Variants in FNDC3B observed in about 807,000 individuals in gnomAD.
FNDC3B encodes fibronectin type III domain containing 3B.
A neutral mutation model predicts 151.5 loss-of-function variants in FNDC3B; 12 were observed. The observed-to-expected ratio is 0.08, with a 90% confidence interval of 0.05 to 0.13. The LOEUF (loss-of-function observed/expected upper bound fraction) is 0.13, where lower values mean the gene tolerates loss of function less well. Among genes scored for constraint, FNDC3B ranks in the 10% least tolerant of loss-of-function variants. The pLI, the probability that FNDC3B is intolerant of heterozygous loss-of-function variation, is 1.00. For missense variants in FNDC3B, 1,214 were observed against 1,505.3 expected (o/e 0.81, Z 3.20); for synonymous variants, 528 against 549.0 (o/e 0.96, Z 0.54).
intron 3 of FNDC3B, among the ~76,000 whole-genome samples, chr3:172,187,652 T>G (rs1376550075): frequency 6.6e-6 from 1 of 152,236 alleles, no homozygotes; most frequent in Non-Finnish European, 1.5e-5. Context: ...TTCTTTGTAT[T>G]GTTTTTTCCC....
At chr3:172,087,204 C>T (rs1718590650) in intron 1 of FNDC3B, among the ~76,000 whole-genome samples, 1 of 152,168 alleles carries the variant, frequency 6.6e-6, no homozygotes, top group African/African-American at 2.4e-5. Context: ...TAATGTACTT[C>T]TAGTTAAGGC....
intron 10 of FNDC3B, among the ~76,000 whole-genome samples, chr3:172,310,406 G>C (rs1731409809): frequency 6.6e-6 from 1 of 152,188 alleles, no homozygotes. Flanking sequence ...TTAAAAAGCT[G>C]TATGTGGGAT....
chr3:172,258,894 C>T (rs755752162), intron 6 of FNDC3B, among the ~76,000 whole-genome samples: 8 of 152,144 alleles, frequency 5.3e-5, no homozygotes, highest in Non-Finnish European at 1.0e-4. Flanking sequence ...CTCTTGTAAG[C>T]TTTTTCTGTC....
intron 25 of FNDC3B, among the ~76,000 whole-genome samples, chr3:172,396,257 A>C (rs1244053530): frequency 6.6e-6 from 1 of 152,192 alleles, no homozygotes; most frequent in African/African-American, 2.4e-5. Flanking sequence ...TGTGTTCTGC[A>C]TGATTCCATT....
At chr3:172,197,125 G>A (rs1365384931) in intron 3 of FNDC3B, among the ~76,000 whole-genome samples, 1 of 152,126 alleles carries the variant, frequency 6.6e-6, no homozygotes, top group Non-Finnish European at 1.5e-5. Context: ...AGGTTGCAGT[G>A]AGCCGAGATG....
intron 23 of FNDC3B, 146 bp from the exon 24 acceptor site, chr3:172,378,124 A>T: frequency 1.7e-6 from 1 of 590,444 alleles, no homozygotes; most frequent in Non-Finnish European, 2.9e-6. Flanking sequence ...CTTAACCCTA[A>T]TGTAGCAACT....
intron 1 of FNDC3B, among the ~76,000 whole-genome samples, chr3:172,069,869 A>G (rs1033149665): frequency 6.6e-6 from 1 of 152,234 alleles, no homozygotes; most frequent in African/African-American, 2.4e-5. Flanking sequence ...CCGTATTTCC[A>G]AATCTGTTTC....
intron 6 of FNDC3B, among the ~76,000 whole-genome samples, chr3:172,262,316 C>T (rs1728686801): frequency 6.6e-6 from 1 of 152,342 alleles, no homozygotes; most frequent in African/African-American, 2.4e-5. Flanking sequence ...CTTCTGCTGG[C>T]AGATCCACTT....
In FNDC3B at chr3:172,104,401, GT is replaced by G. The variant is rs746523404; in HGVS notation, c.-28-8036del. ...TCAGTGCTGGAGCCTGTCCACTATA[GT>G]TTTTTTTTTTTTTTCCAAAGTTTTT... On this transcript the variant is annotated intron_variant, in intron 1 of 25. Transcript: ENST00000415807. Among the ~76,000 whole-genome samples, 836 of 135,394 alleles carry G rather than the reference GT, an allele frequency of 6.2e-3. 9 individuals are homozygous for G. Among genetic ancestry groups the G allele is most frequent in the African/African-American group, 0.019 (705 of 36,928 alleles). 88.8% of individuals were successfully genotyped at this position (135,394 alleles called of 152,430 possible).
chr3:172,149,962 G>A (rs1247423134), intron 3 of FNDC3B, among the ~76,000 whole-genome samples: 4 of 151,550 alleles, frequency 2.6e-5, no homozygotes, highest in African/African-American at 9.7e-5. Flanking sequence ...GGGACTTCAG[G>A]TGCCCGTCAC....
chr3:172,084,646 A>T (rs919336254), intron 1 of FNDC3B, among the ~76,000 whole-genome samples: 3 of 152,240 alleles, frequency 2.0e-5, no homozygotes, highest in Non-Finnish European at 4.4e-5. Flanking sequence ...ATCAGGCAAC[A>T]GTATCTTTAT....
In FNDC3B at chr3:172,376,383, G is replaced by T. The variant is rs979973457; in HGVS notation, c.3009-1887G>T. Among the ~76,000 whole-genome samples, 4 of 152,252 alleles carry T rather than the reference G, an allele frequency of 2.6e-5. No homozygotes were observed. In the South Asian group the frequency reaches 8.3e-4, roughly 32 times the overall value. ...AAAGAAATACTCTCCTTAGATTGTG[G>T]CATGGCAGGAAAGCATACTGTTCCT... On this transcript the variant is annotated intron_variant, in intron 23 of 25. Coordinates refer to ENST00000415807, the MANE Select transcript of FNDC3B (RefSeq NM_022763.4).
intron 3 of FNDC3B, among the ~76,000 whole-genome samples, chr3:172,166,579 C>G (rs1302656059): frequency 6.6e-6 from 1 of 152,096 alleles, no homozygotes; most frequent in African/African-American, 2.4e-5. Flanking sequence ...AAGGTAATAG[C>G]TAAAGAATCG....
chr3:172,135,326 T>C (rs890931639), intron 3 of FNDC3B, among the ~76,000 whole-genome samples: 11 of 152,054 alleles, frequency 7.2e-5, no homozygotes, highest in Non-Finnish European at 1.5e-4. Flanking sequence ...AGTTGGCCGC[T>C]CCCCCACTTT....
intron 3 of FNDC3B, among the ~76,000 whole-genome samples, chr3:172,182,124 G>A (rs1030077348): frequency 6.6e-6 from 1 of 152,164 alleles, no homozygotes; most frequent in African/African-American, 2.4e-5. Context: ...ACTTGTGGGG[G>A]TGACTTCCTA....
chr3:172,285,697 C>T (rs1397224320), intron 6 of FNDC3B, among the ~76,000 whole-genome samples: 3 of 152,144 alleles, frequency 2.0e-5, no homozygotes, highest in Admixed American at 6.5e-5. Flanking sequence ...CTTAACATCG[C>T]GAACACTTAA....
intron 1 of FNDC3B, among the ~76,000 whole-genome samples, chr3:172,045,478 A>G (rs957957903): frequency 6.6e-6 from 1 of 152,306 alleles, no homozygotes; most frequent in East Asian, 1.9e-4. Context: ...TAAAGGAATA[A>G]GGTTTTAGGC....
At chr3:172,228,549 A>G (rs1290961009) in intron 4 of FNDC3B, among the ~76,000 whole-genome samples, 1 of 152,210 alleles carries the variant, frequency 6.6e-6, no homozygotes, top group Non-Finnish European at 1.5e-5. Flanking sequence ...AAAGTGGAGA[A>G]TTTTTGACTT....
In FNDC3B at chr3:172,081,561, T is replaced by G. The variant is rs563149656; in HGVS notation, c.-28-30891T>G. ...ATTTTACAGGATAAAACCTTAAGATTAATTCCATACATACATTTCAAAATA... is the reference window on the plus strand; with the variant it reads ...ATTTTACAGGATAAAACCTTAAGATGAATTCCATACATACATTTCAAAATA... On this transcript the variant is annotated intron_variant, in intron 1 of 25. Transcript: ENST00000415807. Among the ~76,000 whole-genome samples, 64 of 152,356 alleles carry G rather than the reference T, an allele frequency of 4.2e-4. 1 individual carries two copies. The highest frequency in any genetic ancestry group is 1.5e-3 in the African/African-American group (63 of 41,586).
Sources: gnomAD v4.1 joint callset for allele counts (sites outside exome capture counted in the v4.1 genomes callset) on GRCh38, gnomAD v4.1.1 for gene constraint, MANE v1.5 for transcripts, NCBI Gene and HGNC (gene_info 2026-07-23, HGNC 2026-07-21) for gene names.